The following CNTN5 variants were observed in gnomAD, a reference collection of about 807,000 sequenced individuals.
CNTN5 encodes contactin-5.
Under a neutral mutation model 129.1 loss-of-function variants are expected in CNTN5, and 77 were observed. The observed-to-expected ratio is 0.60, with a 90% CI of 0.50 to 0.72. The LOEUF is 0.72. Among genes scored for constraint, CNTN5 ranks in the 30% least tolerant of loss-of-function variants. The pLI is 0.00. For missense variants in CNTN5, 1,478 were observed against 1,328.8 expected (o/e 1.11, Z -1.75); for synonymous variants, 509 against 465.6 (o/e 1.09, Z -1.20).
At chr11:99,156,351 CAAT>C (rs1432335093) in intron 1 of CNTN5, among the ~76,000 whole-genome samples, 1 of 151,828 alleles carries the variant, frequency 6.6e-6, no homozygotes. Context: ...ATAATTAAAA[CAAT>C]AATTGGATTT....
intron 2 of CNTN5, among the ~76,000 whole-genome samples, chr11:99,393,172 A>G (rs1941351193): frequency 6.6e-6 from 1 of 151,872 alleles, no homozygotes; most frequent in Non-Finnish European, 1.5e-5. Context: ...AAAATCTCCA[A>G]CTGGAAGGAA....
At chr11:99,722,257 TAAAG>T (rs952329994) in intron 3 of CNTN5, among the ~76,000 whole-genome samples, 65 of 152,228 alleles carry the variant, frequency 4.3e-4, no homozygotes, top group African/African-American at 1.5e-3. Context: ...ACAGATTACA[TAAAG>T]AAAATGTGGT....
At chr11:99,827,202 G>T (rs548233579) in intron 4 of CNTN5, among the ~76,000 whole-genome samples, 2 of 151,962 alleles carry the variant, frequency 1.3e-5, no homozygotes, top group African/African-American at 4.8e-5. Flanking sequence ...ATTCTCTAAC[G>T]TCAGCCTCTC....
At chr11:99,109,754 A>T (rs1857698857) in intron 1 of CNTN5, among the ~76,000 whole-genome samples, 2 of 152,138 alleles carry the variant, frequency 1.3e-5, no homozygotes, top group African/African-American at 2.4e-5. Flanking sequence ...TGCATTGCTT[A>T]TATGTAAAAG....
intron 3 of CNTN5, among the ~76,000 whole-genome samples, chr11:99,671,664 T>A (rs139747789): frequency 5.3e-4 from 81 of 152,348 alleles, no homozygotes; most frequent in African/African-American, 1.3e-3. Context: ...AGTGTCTTGC[T>A]GAAAATATGT....
intron 6 of CNTN5, among the ~76,000 whole-genome samples, chr11:99,912,802 T>C (rs1366734153): frequency 6.6e-6 from 1 of 152,056 alleles, no homozygotes; most frequent in East Asian, 1.9e-4. Flanking sequence ...CCTGTGACTT[T>C]TGATCACAAA....
chr11:99,656,702 T>C (rs906086626), intron 3 of CNTN5, among the ~76,000 whole-genome samples: 2 of 152,016 alleles, frequency 1.3e-5, no homozygotes, highest in African/African-American at 4.8e-5. Context: ...ACTAGAGACA[T>C]GGAAGACTGG....
intron 1 of CNTN5, among the ~76,000 whole-genome samples, chr11:99,213,310 C>T (rs1322195203): frequency 7.2e-6 from 1 of 139,510 alleles, no homozygotes; most frequent in South Asian, 2.2e-4. Context: ...ATAATATATA[C>T]ATATATAAAA....
At chr11:100,002,249 C>T (rs1939921699) in intron 9 of CNTN5, 113 bp downstream of exon 9, 1 of 618,152 alleles carries the variant, frequency 1.6e-6, no homozygotes, top group Non-Finnish European at 2.6e-6. Flanking sequence ...TCCATGGTGG[C>T]TATTTATTTT....
intron 3 of CNTN5, among the ~76,000 whole-genome samples, chr11:99,643,076 C>G (rs929233838): frequency 6.6e-6 from 1 of 152,144 alleles, no homozygotes; most frequent in African/African-American, 2.4e-5. Context: ...ACAGATATCT[C>G]TGTGGAACAC....
chr11:99,897,684 A>T (rs1191721879), intron 6 of CNTN5, among the ~76,000 whole-genome samples: 1 of 152,192 alleles, frequency 6.6e-6, no homozygotes, highest in Non-Finnish European at 1.5e-5. Flanking sequence ...ACTTGGCATC[A>T]GAAAATGACA....
At chr11:99,270,347 A>G (rs1440333861) in intron 1 of CNTN5, among the ~76,000 whole-genome samples, 1 of 151,850 alleles carries the variant, frequency 6.6e-6, no homozygotes, top group African/African-American at 2.4e-5. Flanking sequence ...CTTCTAAATA[A>G]GCAAAACATC....
At chr11:99,456,044 T>G (rs765914624) in intron 2 of CNTN5, among the ~76,000 whole-genome samples, 1 of 152,138 alleles carries the variant, frequency 6.6e-6, no homozygotes, top group African/African-American at 2.4e-5. Flanking sequence ...AGAAAGTCAA[T>G]ACCATAGTTT....
At chr11:99,681,328 A>G (rs1953540417) in intron 3 of CNTN5, among the ~76,000 whole-genome samples, 1 of 134,420 alleles carries the variant, frequency 7.4e-6, no homozygotes, top group African/African-American at 2.6e-5. Context: ...AGCATTCTAC[A>G]CTACTAAGAA....
chr11:99,973,963 A>G (rs1318458197), intron 8 of CNTN5, among the ~76,000 whole-genome samples: 15 of 152,190 alleles, frequency 9.9e-5, no homozygotes, highest in Admixed American at 9.2e-4. Flanking sequence ...ACTGAGAGGT[A>G]ATTCAGTTAT....
At chr11:100,257,775 C>T (rs950612195) in intron 17 of CNTN5, among the ~76,000 whole-genome samples, 5 of 152,076 alleles carry the variant, frequency 3.3e-5, no homozygotes, top group Non-Finnish European at 5.9e-5. Flanking sequence ...CACAGAAACC[C>T]CATCCAAAGG....
chr11:100,170,076 G>C (rs1217972072), intron 13 of CNTN5, among the ~76,000 whole-genome samples: 1 of 151,896 alleles, frequency 6.6e-6, no homozygotes, highest in Non-Finnish European at 1.5e-5. Flanking sequence ...CCCATGGAAG[G>C]CACTCCACAA....
intron 2 of CNTN5, among the ~76,000 whole-genome samples, chr11:99,463,107 C>CAAAATAAATAA (rs1451589389): frequency 1.9e-4 from 4 of 21,582 alleles, no homozygotes; most frequent in Non-Finnish European, 5.0e-4. Flanking sequence ...GACTCCATCT[C>CAAAATAAATAA]AAAATAAATA....
intron 6 of CNTN5, among the ~76,000 whole-genome samples, chr11:99,869,194 A>G (rs1948436044): frequency 6.6e-6 from 1 of 152,212 alleles, no homozygotes; most frequent in South Asian, 2.1e-4. Flanking sequence ...TTGAATGTTT[A>G]TAAAGTGTTC....
Sources: allele counts gnomAD v4.1 joint callset (sites outside exome capture counted in the v4.1 genomes callset), GRCh38; gene constraint gnomAD v4.1.1; transcripts MANE v1.5; gene names NCBI Gene and HGNC (gene_info 2026-07-23, HGNC 2026-07-21).